Variants in CSMD2 observed in about 807,000 individuals in gnomAD.
CSMD2 encodes CUB and sushi domain-containing protein 2.
Under a neutral mutation model 398.5 loss-of-function variants are expected in CSMD2, and 130 were observed. That is an observed-to-expected ratio of 0.33 (90% CI 0.28 to 0.38). CSMD2 has a LOEUF of 0.38. Among genes scored for constraint, CSMD2 ranks in the 10% least tolerant of loss-of-function variants. The probability of loss-of-function intolerance (pLI) is 1.00; values close to 1 mark genes in which losing one functional copy is unlikely to be tolerated. For synonymous variants in CSMD2, 1,828 were observed against 1,908.5 expected (o/e 0.96, Z 1.10); for missense variants, 3,829 against 4,764.9 (o/e 0.80, Z 5.78).
chr1:33,825,857 G>T (rs1204650743), intron 6 of CSMD2, 83 bp from the exon 7 acceptor site: 2 of 1,146,020 alleles, frequency 1.7e-6, no homozygotes, highest in Non-Finnish European at 2.5e-6. Context: ...ATTCCCCCTT[G>T]TGCCTTGGAA....
chr1:34,031,641 G>A (rs1197680056), intron 3 of CSMD2, among the ~76,000 whole-genome samples: 1 of 151,778 alleles, frequency 6.6e-6, no homozygotes. Flanking sequence ...TAAGGAGGCA[G>A]AACTTGTCCT....
chr1:34,081,563 C>T lies in CSMD2; in HGVS notation c.404+7414G>A, dbSNP rs565804393. Among the ~76,000 whole-genome samples the T allele has an allele frequency of 2.6e-3, 393 of 152,256 alleles. 3 individuals carry two copies. The highest frequency in any genetic ancestry group is 8.5e-3 in the South Asian group (41 of 4,826). ...CCTGCCGAGTGCCTGGGATCGCAGG[C>T]GCGCGCCGCCACGCCTGACTGGTTT... On this transcript the variant is annotated intron_variant, in intron 2 of 70. Transcript: ENST00000373381.
chr1:34,049,387 T>C lies in CSMD2; in HGVS notation c.405-16681A>G, dbSNP rs1226665496. On this transcript the variant is annotated intron_variant, in intron 2 of 70. Transcript: ENST00000373381. ...TCTAGGATTTTTCAGGGCCACTATGTTGCACATCTTTCAGGAGCACCATTC... is the reference window on the plus strand; with the variant it reads ...TCTAGGATTTTTCAGGGCCACTATGCTGCACATCTTTCAGGAGCACCATTC... Among the ~76,000 whole-genome samples the C allele has an allele frequency of 2.6e-5, 4 of 152,276 alleles. No individual in the cohort carries two copies. The East Asian group carries it at 7.7e-4, about 29-fold the overall frequency.
At chr1:33,961,476 G>A (rs2125397141) in intron 3 of CSMD2, among the ~76,000 whole-genome samples, 1 of 152,346 alleles carries the variant, frequency 6.6e-6, no homozygotes, top group Middle Eastern at 3.4e-3. Context: ...TCATGGTGTG[G>A]TTCCAAGCAC....
In CSMD2 at chr1:33,635,480, C is replaced by T; in HGVS notation, c.4970-150G>A. ...GCTTGGAGAAGGCAAGTCCTGCGGA[C>T]CCTGCCCTGCCCAAGAACGTGCACC... On this transcript the variant is annotated intron_variant, in intron 30 of 70. Transcript: ENST00000373381. The surrounding 1 kb of genome is among the most constrained non-coding windows in gnomAD (Gnocchi z 5.0). 1 of 575,682 alleles carries T rather than the reference C, an allele frequency of 1.7e-6. No homozygotes were observed. Among genetic ancestry groups the T allele is most frequent in the East Asian group, 2.9e-5 (1 of 34,086 alleles). The allele number at this position is 575,682 out of a possible 1,614,324, so 35.7% of individuals were successfully genotyped here.
intron 46 of CSMD2, among the ~76,000 whole-genome samples, chr1:33,584,324 C>G (rs771018808): frequency 2.0e-4 from 31 of 152,194 alleles, no homozygotes; most frequent in Non-Finnish European, 1.2e-4. Context: ...GATGGCTTCT[C>G]TATCTCCAAC....
intron 5 of CSMD2, among the ~76,000 whole-genome samples, chr1:33,852,217 T>C (rs1638761519): frequency 6.6e-6 from 1 of 152,180 alleles, no homozygotes; most frequent in Non-Finnish European, 1.5e-5. Flanking sequence ...GTCCTCATCG[T>C]TTCTCACCTG....
chr1:33,767,135 C>T (rs757160450), intron 13 of CSMD2, among the ~76,000 whole-genome samples: 2 of 151,998 alleles, frequency 1.3e-5, no homozygotes, highest in African/African-American at 4.8e-5. Flanking sequence ...CAGAAGAACC[C>T]ACAGATTTTT....
At chr1:33,718,697 T>C (rs906495465) in intron 19 of CSMD2, among the ~76,000 whole-genome samples, 12 of 152,352 alleles carry the variant, frequency 7.9e-5, no homozygotes, top group African/African-American at 2.6e-4. Flanking sequence ...AGATCCCAAA[T>C]GATTTATACA....
intron 2 of CSMD2, among the ~76,000 whole-genome samples, chr1:34,057,044 C>T (rs1329029512): frequency 6.6e-6 from 1 of 152,188 alleles, no homozygotes; most frequent in African/African-American, 2.4e-5. Context: ...TAGCTCCAAC[C>T]AATGAACTAT....
At chr1:33,796,191 C>T (rs151106661) in intron 10 of CSMD2, among the ~76,000 whole-genome samples, 5 of 152,352 alleles carry the variant, frequency 3.3e-5, no homozygotes, top group African/African-American at 1.2e-4. Context: ...AGTCTTTGAT[C>T]ATCTTCTCTT....
chr1:33,806,746 A>G (rs1212005906), intron 10 of CSMD2, among the ~76,000 whole-genome samples: 1 of 152,236 alleles, frequency 6.6e-6, no homozygotes, highest in Non-Finnish European at 1.5e-5. Flanking sequence ...AGGGCTTCAT[A>G]AAGTGCAGAC....
chr1:33,880,636 A>G (rs999106333), intron 5 of CSMD2, among the ~76,000 whole-genome samples: 6 of 152,220 alleles, frequency 3.9e-5, no homozygotes, highest in African/African-American at 1.4e-4. Context: ...AAAGATTTCC[A>G]TAAAGATTTT....
At chr1:33,617,066 G>C in intron 38 of CSMD2, 91 bp from the exon 39 acceptor site, 1 of 956,386 alleles carries the variant, frequency 1.0e-6, no homozygotes, top group East Asian at 2.4e-5. Context: ...TGGTTCAGGG[G>C]CCTCATGTTA....
intron 1 of CSMD2, among the ~76,000 whole-genome samples, chr1:34,124,198 A>G (rs1195587623): frequency 2.0e-5 from 3 of 152,170 alleles, no homozygotes; most frequent in Admixed American, 1.3e-4. Context: ...TCATTCATTC[A>G]TCCATCCATC....
chr1:34,059,402 G>C (rs1409168777), intron 2 of CSMD2, among the ~76,000 whole-genome samples: 1 of 152,038 alleles, frequency 6.6e-6, no homozygotes, highest in Non-Finnish European at 1.5e-5. Flanking sequence ...ATTCTAACTG[G>C]GTCCTTCCTG....
chr1:34,165,450 C>G (rs1464203415), upstream of CSMD2, among the ~76,000 whole-genome samples: 1 of 152,218 alleles, frequency 6.6e-6, no homozygotes, highest in African/African-American at 2.4e-5. Context: ...AGCGCCACCT[C>G]CACCTCCAGA....
In CSMD2 at chr1:33,540,546, C is replaced by T. The variant is rs1160716390; in HGVS notation, c.9610G>A (p.Gly3204Arg). The T allele has an allele frequency of 5.0e-6, 8 of 1,614,008 alleles. No homozygotes were observed. The highest frequency in any genetic ancestry group is 2.2e-5 in the East Asian group (1 of 44,890). ...FTCEGNGSWT[G>R]ELPQCFPVFC... ...TTACGGAAACACTGAGGCAGCTCTC[C>T]GGTCCAGGACCCATTTCCCTCACAG... The change falls in exon 60 of 71, where the codon GGA (glycine) becomes AGA (arginine). Residue 3204 changes from glycine to arginine, a missense_variant. Physicochemically the swap from Gly to Arg is moderately radical, Grantham distance 125 (BLOSUM62 -2). This residue lies in a region of CSMD2 where 917 missense variants were observed against 1,199.5 expected (regional missense o/e 0.76). Transcript: ENST00000373381.
chr1:34,023,180 TGA>T (rs778134054), intron 3 of CSMD2, among the ~76,000 whole-genome samples: 1 of 152,170 alleles, frequency 6.6e-6, no homozygotes, highest in Non-Finnish European at 1.5e-5. Context: ...GGGTTTCAAG[TGA>T]AAGCTCTCTG....
Sources: gnomAD v4.1 joint callset for allele counts (sites outside exome capture counted in the v4.1 genomes callset) on GRCh38, gnomAD v4.1.1 for gene constraint, gnomAD v4.1.1 regional missense constraint, Gnocchi (gnomAD v3.1) non-coding constraint, MANE v1.5 for transcripts, NCBI Gene and HGNC (gene_info 2026-07-23, HGNC 2026-07-21) for gene names.